Variants in CFI observed in about 807,000 individuals in gnomAD.
CFI encodes the protein complement factor I, also known as C3B/C4B inactivator.
CFI carries 66 observed loss-of-function variants against 78.8 expected under a neutral mutation model. That is an observed-to-expected ratio of 0.84 (90% CI 0.69 to 1.03). CFI has a LOEUF of 1.03. Ranked by LOEUF, CFI falls within the 50% of genes least tolerant of loss-of-function variation. The probability of loss-of-function intolerance (pLI) is 0.00; values close to 1 mark genes in which losing one functional copy is unlikely to be tolerated. For synonymous variants in CFI, 250 were observed against 232.6 expected (o/e 1.07, Z -0.68); for missense variants, 706 against 704.5 (o/e 1.00, Z -0.02).
intron 1 of CFI, among the ~76,000 whole-genome samples, chr4:109,797,602 G>A (rs1190473028): frequency 6.6e-6 from 1 of 152,162 alleles, no homozygotes; most frequent in Non-Finnish European, 1.5e-5. Flanking sequence ...AAAACCTTCT[G>A]CACAGCAAAA....
At chr4:109,793,620 T>G (rs902317693) in intron 1 of CFI, 1 of 152,214 alleles carries the variant, frequency 6.6e-6, no homozygotes, top group African/African-American at 2.4e-5. Flanking sequence ...TTTGAACTCC[T>G]GAGCTCAAGT....
Position 109,761,656 on chromosome 4 carries a change from A to G in CFI, c.519T>C (p.Asp173=), listed in dbSNP as rs1454736847. Residue 173 remains aspartate, a synonymous_variant, in exon 4 of 13, where the codon GAT becomes GAC. Coordinates refer to ENST00000394634, the MANE Select transcript of CFI (RefSeq NM_000204.5). ...GACATTCAGTGGAATTTATAGAGAG[A>G]TCAGACAACTTAAACCTTCTTTGAG... ...ADTQRRFKLS[D]LSINSTECLH... is the part of the protein sequence containing the mutation. The G allele has an allele frequency of 6.2e-7, 1 of 1,613,816 alleles. No homozygotes were observed. The highest frequency in any genetic ancestry group is 8.5e-7 in the Non-Finnish European group (1 of 1,179,788).
At chr4:109,776,615 C>A (rs1579268755) in intron 1 of CFI, among the ~76,000 whole-genome samples, 1 of 152,296 alleles carries the variant, frequency 6.6e-6, no homozygotes, top group Non-Finnish European at 1.5e-5. Flanking sequence ...TCAGGAAATA[C>A]AGAGAATGCC....
chr4:109,750,153 C>A (rs1268133507), intron 8 of CFI, among the ~76,000 whole-genome samples: 1 of 151,896 alleles, frequency 6.6e-6, no homozygotes, highest in Non-Finnish European at 1.5e-5. Flanking sequence ...CCCACCCCCA[C>A]GCCCAGCTAA....
At position 109,766,719 on chromosome 4, in the gene CFI, T is replaced by C. The variant is rs139323613; in HGVS notation, c.163A>G (p.Ile55Val). 1.2e-6 allele frequency: 2 copies of C among 1,614,210 alleles called. No homozygotes were observed. Among genetic ancestry groups the C allele is most frequent in the African/African-American group, 2.7e-5 (2 of 75,058 alleles). Residue 55 changes from isoleucine (I) to valine (V), a missense_variant, in exon 2 of 13, where the codon ATT (isoleucine) becomes GTT (valine). Ile to Val is a conservative substitution (Grantham distance 29). Coordinates refer to ENST00000394634, the MANE Select transcript of CFI (RefSeq NM_000204.5). ...AGTTTACAAACACAGGTGCCCTCAA[T>C]GCATCTCTGCCATGGCTGGCAGAAG... is the stretch of plus-strand genomic sequence containing the variant. ...KVFCQPWQRC[I>V]EGTCVCKLPY... is the part of the protein sequence containing the mutation.
chr4:109,750,836 C>A (rs1440848146), intron 8 of CFI, among the ~76,000 whole-genome samples: 1 of 152,174 alleles, frequency 6.6e-6, no homozygotes, highest in African/African-American at 2.4e-5. Flanking sequence ...ATCTTGGATA[C>A]TAATCTGCCA....
At chr4:109,731,918 A>G in the CFI span, among the ~76,000 whole-genome samples, 1 of 152,214 alleles carries the variant, frequency 6.6e-6, no homozygotes, top group Non-Finnish European at 1.5e-5. Flanking sequence ...GGAACTTAGA[A>G]TCATTGTCTT....
At chr4:109,747,939 G>C (rs1724682243) in intron 10 of CFI, among the ~76,000 whole-genome samples, 1 of 152,146 alleles carries the variant, frequency 6.6e-6, no homozygotes, top group Non-Finnish European at 1.5e-5. Flanking sequence ...TGCTGCTGCT[G>C]ATCTGACAGG....
At chr4:109,768,756 G>A (rs1728180409) in intron 1 of CFI, among the ~76,000 whole-genome samples, 1 of 152,192 alleles carries the variant, frequency 6.6e-6, no homozygotes, top group Non-Finnish European at 1.5e-5. Context: ...GAAGCATCAA[G>A]CTGGGGCAGA....
At chr4:109,776,298 C>T (rs1306030195) in intron 1 of CFI, among the ~76,000 whole-genome samples, 1 of 152,154 alleles carries the variant, frequency 6.6e-6, no homozygotes, top group Non-Finnish European at 1.5e-5. Flanking sequence ...GAGCTGAAAA[C>T]CATGGCACAA....
chr4:109,781,370 GC>G (rs567987119), intron 1 of CFI, among the ~76,000 whole-genome samples: 83 of 152,204 alleles, frequency 5.5e-4, no homozygotes, highest in African/African-American at 1.8e-3. Flanking sequence ...ATCATTCAAG[GC>G]TACTATGAAC....
chr4:109,786,688 G>A (rs567793237), intron 1 of CFI, among the ~76,000 whole-genome samples: 5 of 152,048 alleles, frequency 3.3e-5, no homozygotes, highest in African/African-American at 1.2e-4. Flanking sequence ...GTGTGATCTT[G>A]GATAAGTGAC....
chr4:109,791,772 G>C (rs991394968), intron 1 of CFI, among the ~76,000 whole-genome samples: 1 of 151,728 alleles, frequency 6.6e-6, no homozygotes, highest in Non-Finnish European at 1.5e-5. Flanking sequence ...CTTATTTCTG[G>C]GTCCTCTATT....
chr4:109,770,098 G>A (rs1268631045), intron 1 of CFI, among the ~76,000 whole-genome samples: 1 of 152,126 alleles, frequency 6.6e-6, no homozygotes, highest in Non-Finnish European at 1.5e-5. Flanking sequence ...AAAATTACGG[G>A]AAGCCATTTT....
At chr4:109,732,950 A>T in the CFI span, among the ~76,000 whole-genome samples, 1 of 151,910 alleles carries the variant, frequency 6.6e-6, no homozygotes, top group Non-Finnish European at 1.5e-5. Flanking sequence ...GCCACTACAC[A>T]GGATGCATGC....
At chr4:109,776,104 C>A (rs1310139157) in intron 1 of CFI, among the ~76,000 whole-genome samples, 1 of 152,128 alleles carries the variant, frequency 6.6e-6, no homozygotes, top group Non-Finnish European at 1.5e-5. Flanking sequence ...CGGAACAAAG[C>A]TGGATGGAGA....
chr4:109,791,390 G>A (rs1395662947), intron 1 of CFI, among the ~76,000 whole-genome samples: 1 of 151,488 alleles, frequency 6.6e-6, no homozygotes, highest in Non-Finnish European at 1.5e-5. Context: ...CATCCGTAGG[G>A]TGTCTGTTCA....
chr4:109,747,038 G>C (rs1206318229), intron 10 of CFI, among the ~76,000 whole-genome samples: 1 of 152,120 alleles, frequency 6.6e-6, no homozygotes, highest in Non-Finnish European at 1.5e-5. Flanking sequence ...AGCCAGAGAT[G>C]GGGTCTGATT....
intron 1 of CFI, among the ~76,000 whole-genome samples, chr4:109,800,467 G>A (rs1172330420): frequency 6.6e-6 from 1 of 151,234 alleles, no homozygotes; most frequent in Non-Finnish European, 1.5e-5. Context: ...AAAGTACTGG[G>A]ATTACATGCG....
Sources: gnomAD v4.1 joint callset for allele counts (sites outside exome capture counted in the v4.1 genomes callset) on GRCh38, gnomAD v4.1.1 for gene constraint, MANE v1.5 for transcripts, NCBI Gene and HGNC (gene_info 2026-07-23, HGNC 2026-07-21) for gene names.